Variants in RASAL2 observed in about 807,000 individuals in gnomAD.
The protein encoded by RASAL2 is RAS protein activator like 2.
Under a neutral mutation model 128.9 loss-of-function variants are expected in RASAL2, and 58 were observed. That is an observed-to-expected ratio of 0.45 (90% CI 0.36 to 0.56). RASAL2 has a LOEUF of 0.56. Among genes scored for constraint, RASAL2 ranks in the 20% least tolerant of loss-of-function variants. The pLI is 0.00. For synonymous variants in RASAL2, 561 were observed against 580.8 expected (o/e 0.97, Z 0.49); for missense variants, 1,360 against 1,601.6 (o/e 0.85, Z 2.57).
At chr1:178,195,939 A>T (rs769319689) in intron 1 of RASAL2, among the ~76,000 whole-genome samples, 7 of 152,230 alleles carry the variant, frequency 4.6e-5, no homozygotes, top group Admixed American at 6.5e-5. Context: ...TATTCTAGAG[A>T]CCTGTGAAAA....
At chr1:178,192,616 C>T (rs1374055428) in intron 1 of RASAL2, among the ~76,000 whole-genome samples, 1 of 152,058 alleles carries the variant, frequency 6.6e-6, no homozygotes, top group Non-Finnish European at 1.5e-5. Context: ...GTTGAACTAG[C>T]TTCATCAACT....
At chr1:178,315,674 T>A (rs1668474933) in intron 3 of RASAL2, among the ~76,000 whole-genome samples, 1 of 145,948 alleles carries the variant, frequency 6.9e-6, no homozygotes, top group Non-Finnish European at 1.5e-5. Context: ...GAGTTCACTG[T>A]AGATTCTGGA....
chr1:178,461,679 G>A (rs1300412586), intron 14 of RASAL2, among the ~76,000 whole-genome samples: 1 of 152,176 alleles, frequency 6.6e-6, no homozygotes, highest in Non-Finnish European at 1.5e-5. Flanking sequence ...ATATGATGCT[G>A]CAGTTTTCAC....
rs1192709246 is a variant in RASAL2, at chr1:178,371,351, C to CACACACACACACAA, written c.458-18748_458-18747insCACACACACACAAA. On this transcript the variant is annotated intron_variant, in intron 3 of 17. Transcript: ENST00000367649. Reference sequence around the variant, plus strand: ...ACACACACACACACACACACACACACAAATACACACACACACACACACACA... The same window carrying CACACACACACACAA: ...ACACACACACACACACACACACACACACACACACACACAAAAATACACACACACACACACACACA... Among the ~76,000 whole-genome samples the CACACACACACACAA allele has an allele frequency of 5.0e-4, 57 of 113,030 alleles. 1 individual carries two copies. The South Asian group carries it at 0.014, about 28-fold the overall frequency. 74.2% of individuals were successfully genotyped at this position (113,030 alleles called of 152,430 possible).
rs770313824 is a variant in RASAL2, at chr1:178,442,870, A to G, written c.1123A>G (p.Ile375Val). The change falls in exon 8 of 18, where the codon ATC (isoleucine) becomes GTC (valine). Residue 375 changes from isoleucine to valine, a missense_variant. Physicochemically the swap from Ile to Val is conservative, Grantham distance 29. Transcript: ENST00000367649. ...CTTCAGCCTTCCACCTCTTCATAGT[A>G]TCACAGTTCACATTTACAAGGATGT... ...EFFSLPPLHS[I>V]TVHIYKDVEK... is the part of the protein sequence containing the mutation. The G allele has an allele frequency of 2.5e-6, 4 of 1,613,990 alleles. No individual in the cohort carries two copies. The highest frequency in any genetic ancestry group is 1.1e-5 in the South Asian group (1 of 91,072).
In RASAL2 at chr1:178,458,282, C is replaced by G. The variant is rs1363979841; in HGVS notation, c.2990C>G (p.Pro997Arg). The G allele has an allele frequency of 2.5e-6, 4 of 1,614,126 alleles. No homozygotes were observed. In the Admixed American group the frequency reaches 5.0e-5, roughly 20 times the overall value. The change falls in exon 14 of 18, where the codon CCT becomes CGT. Residue 997 changes from proline to arginine, a missense_variant. By Grantham distance (103) the Pro-to-Arg change is moderately radical. Transcript: ENST00000367649. ...RRHTVPDRHI[P>R]LALPRQNSTG... ...CACACGGTGCCAGATAGACACATAC[C>G]TCTTGCTTTGCCACGACAAAATAGT...
chr1:178,236,053 A>C (rs1664220339), intron 1 of RASAL2, among the ~76,000 whole-genome samples: 1 of 152,126 alleles, frequency 6.6e-6, no homozygotes, highest in African/African-American at 2.4e-5. Flanking sequence ...CCTGCCTACC[A>C]GTATTTTTTT....
chr1:178,131,075 CA>C (rs919787469), intron 1 of RASAL2, among the ~76,000 whole-genome samples: 6 of 146,394 alleles, frequency 4.1e-5, no homozygotes, highest in African/African-American at 1.5e-4. Flanking sequence ...AAAAAAAAAA[CA>C]AAAAAAACCA....
At chr1:178,252,240 C>A (rs1313683228) in intron 1 of RASAL2, among the ~76,000 whole-genome samples, 1 of 151,648 alleles carries the variant, frequency 6.6e-6, no homozygotes, top group Non-Finnish European at 1.5e-5. Context: ...ATATTCTAAA[C>A]CTATTAATTT....
At chr1:178,267,569 A>C (rs557783236) in intron 1 of RASAL2, among the ~76,000 whole-genome samples, 2 of 133,260 alleles carry the variant, frequency 1.5e-5, no homozygotes, top group Non-Finnish European at 3.2e-5. Context: ...GTAATATTGC[A>C]TTATATTTTT....
chr1:178,359,222 A>G (rs1279387867), intron 3 of RASAL2, among the ~76,000 whole-genome samples: 2 of 152,214 alleles, frequency 1.3e-5, no homozygotes, highest in East Asian at 1.9e-4. Flanking sequence ...ACTTGATACT[A>G]CCATTCATTT....
At chr1:178,214,555 T>G (rs1663361816) in intron 1 of RASAL2, among the ~76,000 whole-genome samples, 1 of 151,814 alleles carries the variant, frequency 6.6e-6, no homozygotes, top group African/African-American at 2.4e-5. Context: ...TCACCTGGAC[T>G]ATGTATTTTT....
chr1:178,337,274 C>T (rs1243970867), intron 3 of RASAL2, among the ~76,000 whole-genome samples: 1 of 152,122 alleles, frequency 6.6e-6, no homozygotes, highest in Admixed American at 6.5e-5. Context: ...ATAATGCCTC[C>T]CTTTATCAGA....
chr1:178,151,802 G>A (rs1660923575), intron 1 of RASAL2, among the ~76,000 whole-genome samples: 1 of 152,196 alleles, frequency 6.6e-6, no homozygotes. Flanking sequence ...ACAAACTTCT[G>A]CCTTGATACT....
rs759374395 is a variant in RASAL2 at position 178,439,416 on chromosome 1, T to G, written c.675-6T>G. 3.3e-5 allele frequency: 52 copies of G among 1,599,532 alleles called. No individual in the cohort carries two copies. The highest frequency in any genetic ancestry group is 4.2e-5 in the Non-Finnish European group (49 of 1,173,956). On this transcript the variant is annotated splice_polypyrimidine_tract_variant and splice_region_variant and intron_variant, in intron 5 of 17. Transcript: ENST00000367649. Reference sequence around the variant, plus strand: ...CACTACCTTAAATATCTTTTTCTACTTTTAGGTCTCGTGGGCTGCCTAAAC... The same window carrying G: ...CACTACCTTAAATATCTTTTTCTACGTTTAGGTCTCGTGGGCTGCCTAAAC...
chr1:178,163,024 G>A (rs1661386962), intron 1 of RASAL2, among the ~76,000 whole-genome samples: 2 of 152,214 alleles, frequency 1.3e-5, no homozygotes, highest in Non-Finnish European at 2.9e-5. Context: ...AGGCTGGAGT[G>A]CGGTGGTGTG....
intron 1 of RASAL2, among the ~76,000 whole-genome samples, chr1:178,176,443 A>G (rs60565927): frequency 0.11 from 16,463 of 150,542 alleles, 1,148 homozygotes; most frequent in African/African-American, 0.19. Context: ...GTTTGTAGAT[A>G]CTGGATATTA....
intron 1 of RASAL2, among the ~76,000 whole-genome samples, chr1:178,100,659 G>T (rs1322351061): frequency 1.3e-5 from 2 of 152,184 alleles, no homozygotes; most frequent in Non-Finnish European, 2.9e-5. Flanking sequence ...GGAAATGGTG[G>T]CAAGGTAGTG....
intron 1 of RASAL2, among the ~76,000 whole-genome samples, chr1:178,191,350 G>GAA (rs151175241): frequency 2.0e-4 from 29 of 146,464 alleles, no homozygotes; most frequent in African/African-American, 6.5e-4. Context: ...ATAGATAAAT[G>GAA]AAAAAAAAAC....
Sources: allele counts gnomAD v4.1 joint callset (sites outside exome capture counted in the v4.1 genomes callset), GRCh38; gene constraint gnomAD v4.1.1; transcripts MANE v1.5; gene names NCBI Gene and HGNC (gene_info 2026-07-23, HGNC 2026-07-21).